Variants in SYT17 observed in about 807,000 individuals in gnomAD.
The protein encoded by SYT17 is synaptotagmin 17, also known as synaptotagmin-17.
In SYT17, 22 loss-of-function variants were observed where a neutral mutation model predicts 46.7. The observed-to-expected ratio is 0.47, with a 90% CI of 0.34 to 0.67. The LOEUF is 0.67. SYT17 is among the 30% of genes least tolerant of loss of function. The probability of loss-of-function intolerance (pLI) is 0.01; values close to 1 mark genes in which losing one functional copy is unlikely to be tolerated. For missense variants in SYT17, 519 were observed against 612.8 expected (o/e 0.85, Z 1.62); for synonymous variants, 251 against 248.4 (o/e 1.01, Z -0.10).
At chr16:19,211,878 AGCCTCCCAAAATGCT>A (rs1378578858) in intron 5 of SYT17, among the ~76,000 whole-genome samples, 5 of 152,044 alleles carry the variant, frequency 3.3e-5, no homozygotes, top group African/African-American at 1.2e-4. Flanking sequence ...CGCCCGCCTC[AGCCTCCCAAAATGCT>A]GGGATTACAG....
At chr16:19,188,895 T>C (rs1469566663) in intron 5 of SYT17, among the ~76,000 whole-genome samples, 1 of 152,170 alleles carries the variant, frequency 6.6e-6, no homozygotes, top group Non-Finnish European at 1.5e-5. Context: ...TCTCTTCTCT[T>C]CTTTTTTTTT....
At chr16:19,218,963 G>A (rs989651897) in intron 5 of SYT17, among the ~76,000 whole-genome samples, 3 of 151,676 alleles carry the variant, frequency 2.0e-5, no homozygotes, top group South Asian at 2.1e-4. Flanking sequence ...TTCAAACCTC[G>A]CCTCTCAGAG....
chr16:19,255,067 C>T (rs1968465062), intron 7 of SYT17, among the ~76,000 whole-genome samples: 1 of 152,204 alleles, frequency 6.6e-6, no homozygotes, highest in East Asian at 1.9e-4. Context: ...TTTCTCTCCC[C>T]TTAAATTCGC....
In SYT17 at chr16:19,230,804, A is replaced by C. The variant is rs144414055; in HGVS notation, c.1228+5966A>C. Among the ~76,000 whole-genome samples the C allele has an allele frequency of 5.3e-5, 8 of 152,296 alleles. No homozygotes were observed. In the East Asian group the frequency reaches 1.2e-3, roughly 22 times the overall value. On this transcript the variant is annotated intron_variant, in intron 7 of 7. Transcript: ENST00000355377. The stretch of plus-strand genomic sequence containing the variant: ...CAGCTTCCTCACCTGTAAAATGGGG[A>C]TAATGGTACTTACTTCGGTGAATTG...
chr16:19,204,294 CA>C (rs1965582452), intron 5 of SYT17, among the ~76,000 whole-genome samples: 2 of 152,116 alleles, frequency 1.3e-5, no homozygotes, highest in African/African-American at 2.4e-5. Flanking sequence ...CCTTGAGAAC[CA>C]CTGATTTGAG....
At chr16:19,241,927 G>T (rs1190260952) in intron 7 of SYT17, among the ~76,000 whole-genome samples, 1 of 152,316 alleles carries the variant, frequency 6.6e-6, no homozygotes, top group African/African-American at 2.4e-5. Context: ...CAGAGCAATG[G>T]CAGTGGCTGC....
chr16:19,230,751 T>C (rs114067203), intron 7 of SYT17, among the ~76,000 whole-genome samples: 4,067 of 152,274 alleles, frequency 0.027, 182 homozygotes, highest in African/African-American at 0.093. Context: ...TGTGTAATCT[T>C]GGCACTTTGC....
chr16:19,211,579 C>A, intron 5 of SYT17: 1 of 653,492 alleles, frequency 1.5e-6, no homozygotes, highest in East Asian at 2.8e-5. Flanking sequence ...AGTTGAGATT[C>A]CCAGGGAATA....
At position 19,210,014 on chromosome 16, in the gene SYT17, C is replaced by G. The variant is rs115621859; in HGVS notation, c.952-13031C>G. On this transcript the variant is annotated intron_variant, in intron 5 of 7. Coordinates refer to ENST00000355377, the MANE Select transcript of SYT17 (RefSeq NM_016524.4). ...TTGTATGTGAACATTTATAATGACA[C>G]TTATAATGTCTAGATAGTCACATGG... 6.9e-3 allele frequency among the ~76,000 whole-genome samples: 1,046 copies of G among 152,138 alleles called. 10 individuals carry two copies. The highest frequency in any genetic ancestry group is 0.024 in the African/African-American group (1,002 of 41,502).
chr16:19,220,471 G>C (rs1427854405), intron 5 of SYT17, among the ~76,000 whole-genome samples: 1 of 151,732 alleles, frequency 6.6e-6, no homozygotes, highest in Non-Finnish European at 1.5e-5. Flanking sequence ...ACTAATTTTT[G>C]TATTTTTACT....
At chr16:19,171,127 G>T (rs1347460828) in intron 1 of SYT17, 2 of 152,298 alleles carry the variant, frequency 1.3e-5, no homozygotes, top group Non-Finnish European at 2.9e-5. Flanking sequence ...GGCTCAGCTT[G>T]TTGCGTGGCC....
At chr16:19,236,552 G>T (rs1028360706) in intron 7 of SYT17, among the ~76,000 whole-genome samples, 2 of 152,016 alleles carry the variant, frequency 1.3e-5, no homozygotes, top group East Asian at 1.9e-4. Context: ...ACCTCCCTCA[G>T]GTTCAATAAT....
At chr16:19,217,490 G>A (rs1966140125) in intron 5 of SYT17, among the ~76,000 whole-genome samples, 1 of 151,946 alleles carries the variant, frequency 6.6e-6, no homozygotes, top group Non-Finnish European at 1.5e-5. Flanking sequence ...TTTGTGTCTG[G>A]CTTCTTTCAC....
chr16:19,249,750 G>A (rs560893115), intron 7 of SYT17, among the ~76,000 whole-genome samples: 5 of 152,268 alleles, frequency 3.3e-5, no homozygotes, highest in African/African-American at 1.2e-4. Flanking sequence ...GGTGTTTTGG[G>A]TAGACAAAAT....
chr16:19,251,182 G>T (rs1369690209), intron 7 of SYT17, among the ~76,000 whole-genome samples: 1 of 152,126 alleles, frequency 6.6e-6, no homozygotes, highest in Non-Finnish European at 1.5e-5. Flanking sequence ...TTGGGATGCC[G>T]CATATGCCAA....
At chr16:19,220,303 C>CTTTCTTTTTTTTTTTTTTTTTTTTT (rs776097400) in intron 5 of SYT17, among the ~76,000 whole-genome samples, 6 of 80,514 alleles carry the variant, frequency 7.5e-5, no homozygotes, top group Admixed American at 1.7e-4. Flanking sequence ...TTCTTTCTTT[C>CTTTCTTTTTTTTTTTTTTTTTTTTT]TTTTTTTTTT....
intron 7 of SYT17, among the ~76,000 whole-genome samples, chr16:19,245,841 C>T (rs986542902): frequency 2.0e-5 from 3 of 152,076 alleles, no homozygotes; most frequent in African/African-American, 4.8e-5. Flanking sequence ...AATGCGGTGA[C>T]GTGAAGGGGT....
At chr16:19,184,890 T>C (rs931754009) in intron 5 of SYT17, among the ~76,000 whole-genome samples, 2 of 152,194 alleles carry the variant, frequency 1.3e-5, no homozygotes, top group Admixed American at 1.3e-4. Context: ...AACTGTTAGA[T>C]TGGCTTCCTT....
chr16:19,207,279 C>T (rs1965709590), intron 5 of SYT17, among the ~76,000 whole-genome samples: 1 of 152,162 alleles, frequency 6.6e-6, no homozygotes, highest in South Asian at 2.1e-4. Context: ...ATTACCCAGC[C>T]TCAGTTATTC....
Sources: allele counts gnomAD v4.1 joint callset (sites outside exome capture counted in the v4.1 genomes callset), GRCh38; gene constraint gnomAD v4.1.1; transcripts MANE v1.5; gene names NCBI Gene and HGNC (gene_info 2026-07-23, HGNC 2026-07-21).